The following FARP1 variants were observed in gnomAD, a reference collection of about 807,000 sequenced individuals.
FARP1 encodes FERM, ARHGEF and pleckstrin domain-containing protein 1.
A neutral mutation model predicts 128.8 loss-of-function variants in FARP1; 52 were observed. The ratio of observed to expected loss-of-function variants is 0.40; its 90% CI spans 0.32 to 0.51. FARP1 has a LOEUF of 0.51. Among genes scored for constraint, FARP1 ranks in the 20% least tolerant of loss-of-function variants. The pLI, the probability that FARP1 is intolerant of heterozygous loss-of-function variation, is 0.45. For missense variants in FARP1, 1,333 were observed against 1,367.9 expected (o/e 0.97, Z 0.40); for synonymous variants, 580 against 551.8 (o/e 1.05, Z -0.72).
intron 13 of FARP1, chr13:98,407,234 A>G (rs1005146789): frequency 3.3e-5 from 5 of 152,570 alleles, no homozygotes; most frequent in African/African-American, 1.2e-4. Context: ...ATAAAAAACA[A>G]CTCTCCAACA....
At chr13:98,270,932 T>C (rs1884360801) in intron 2 of FARP1, among the ~76,000 whole-genome samples, 1 of 152,212 alleles carries the variant, frequency 6.6e-6, no homozygotes, top group Non-Finnish European at 1.5e-5. Flanking sequence ...GATGCCACCC[T>C]CTGAGCCATC....
At chr13:98,335,027 A>G (rs1359448763) in intron 2 of FARP1, among the ~76,000 whole-genome samples, 2 of 152,140 alleles carry the variant, frequency 1.3e-5, no homozygotes, top group Non-Finnish European at 2.9e-5. Flanking sequence ...ATCCTTCAGG[A>G]CCCATTCAAG....
At chr13:98,360,172 T>C (rs1888812133) in intron 3 of FARP1, among the ~76,000 whole-genome samples, 1 of 144,736 alleles carries the variant, frequency 6.9e-6, no homozygotes, top group Non-Finnish European at 1.5e-5. Context: ...CTCAAATCAC[T>C]GCAAGCTCCG....
At chr13:98,215,572 T>C (rs1375022850) in intron 2 of FARP1, among the ~76,000 whole-genome samples, 1 of 152,234 alleles carries the variant, frequency 6.6e-6, no homozygotes, top group Non-Finnish European at 1.5e-5. Flanking sequence ...TTGGAGCAAT[T>C]CTTGACATGT....
chr13:98,361,896 A>G (rs942064002), intron 3 of FARP1, among the ~76,000 whole-genome samples: 10 of 151,976 alleles, frequency 6.6e-5, no homozygotes, highest in Admixed American at 5.9e-4. Context: ...GTCTCTTTGG[A>G]TATCGGTCAT....
At chr13:98,384,882 G>A (rs748752447) in intron 7 of FARP1, 38 bp downstream of exon 7, 15 of 1,282,388 alleles carry the variant, frequency 1.2e-5, no homozygotes, top group South Asian at 3.6e-5. Flanking sequence ...CCTCTGAGCC[G>A]GTTCTCTCTG....
chr13:98,369,389 A>G (rs1327787883), intron 5 of FARP1, among the ~76,000 whole-genome samples: 1 of 146,186 alleles, frequency 6.8e-6, no homozygotes, highest in Non-Finnish European at 1.5e-5. Flanking sequence ...TTATACTTTA[A>G]GTTTTAGGGT....
At chr13:98,362,532 T>G (rs115622898) in intron 3 of FARP1, among the ~76,000 whole-genome samples, 182 of 152,282 alleles carry the variant, frequency 1.2e-3, no homozygotes, top group African/African-American at 4.2e-3. Flanking sequence ...ACTTCACGCC[T>G]CCTCTGCTCC....
chr13:98,294,264 A>G (rs913963003), intron 2 of FARP1, among the ~76,000 whole-genome samples: 2 of 152,146 alleles, frequency 1.3e-5, no homozygotes, highest in Non-Finnish European at 2.9e-5. Context: ...GAAGAAACTC[A>G]TTTGCAAAGC....
chr13:98,428,821 C>T (rs183173352), intron 17 of FARP1, among the ~76,000 whole-genome samples: 65 of 152,212 alleles, frequency 4.3e-4, no homozygotes, highest in Non-Finnish European at 7.1e-4. Flanking sequence ...AAGGATGTGA[C>T]GACATGCCAG....
chr13:98,154,434 A>C (rs1478852500), intron 1 of FARP1, among the ~76,000 whole-genome samples: 2 of 152,216 alleles, frequency 1.3e-5, no homozygotes, highest in Non-Finnish European at 2.9e-5. Context: ...GGCTTACCTG[A>C]AGATGTGACT....
chr13:98,353,165 A>G (rs563858243), intron 3 of FARP1, among the ~76,000 whole-genome samples: 90 of 152,116 alleles, frequency 5.9e-4, no homozygotes, highest in Non-Finnish European at 8.2e-4. Flanking sequence ...TTAAGACTAA[A>G]CTCTGGCGTA....
chr13:98,195,931 T>A, intron 1 of FARP1, among the ~76,000 whole-genome samples: 1 of 151,962 alleles, frequency 6.6e-6, no homozygotes, highest in Non-Finnish European at 1.5e-5. Flanking sequence ...GAGGCTGAGG[T>A]GAGAGGATCA....
In FARP1 at chr13:98,176,704, C is replaced by G. The variant is rs764594031; in HGVS notation, c.-24+33212C>G. 6.2e-7 allele frequency: 1 copy of G among 1,614,198 alleles called. No homozygotes were observed. The highest frequency in any genetic ancestry group is 1.1e-5 in the South Asian group (1 of 91,084). ...AGTGGCGCGCAGATGCCCTGGCGCA[C>G]GTATGGGGCCCTTCCTCGCCATCCC... On this transcript the variant is annotated intron_variant, in intron 1 of 26. Coordinates refer to ENST00000319562, the MANE Select transcript of FARP1 (RefSeq NM_005766.4). This position sits in a 1 kb window ranked among gnomAD's most constrained non-coding sequence, Gnocchi z 6.2.
intron 5 of FARP1, among the ~76,000 whole-genome samples, chr13:98,372,560 C>T (rs1889396386): frequency 6.6e-6 from 1 of 152,178 alleles, no homozygotes; most frequent in South Asian, 2.1e-4. Flanking sequence ...GCTCTGCGCC[C>T]TGCACGCCCT....
intron 1 of FARP1, among the ~76,000 whole-genome samples, chr13:98,212,030 G>C (rs1880750948): frequency 7.0e-6 from 1 of 143,562 alleles, no homozygotes. Flanking sequence ...TAACACATGT[G>C]CTCTGCACCA....
At chr13:98,174,604 TG>T (rs1383264873) in intron 1 of FARP1, among the ~76,000 whole-genome samples, 3 of 152,204 alleles carry the variant, frequency 2.0e-5, no homozygotes, top group African/African-American at 7.2e-5. Flanking sequence ...TTGTTAGCTT[TG>T]GCAAGGACAA....
chr13:98,395,702 C>T (rs548952423), intron 13 of FARP1: 5 of 490,746 alleles, frequency 1.0e-5, no homozygotes, highest in South Asian at 5.1e-5. Flanking sequence ...AGGGCTTCCC[C>T]GCACTCTGCG....
chr13:98,440,947 C>CCTA, intron 24 of FARP1, 111 bp downstream of exon 24: 1 of 1,095,430 alleles, frequency 9.1e-7, no homozygotes, highest in Admixed American at 2.4e-5. Flanking sequence ...GGTGGCCCCA[C>CCTA]CTACCCGCGG....
Sources: gnomAD v4.1 joint callset for allele counts (sites outside exome capture counted in the v4.1 genomes callset) on GRCh38, gnomAD v4.1.1 for gene constraint, Gnocchi (gnomAD v3.1) non-coding constraint, MANE v1.5 for transcripts, NCBI Gene and HGNC (gene_info 2026-07-23, HGNC 2026-07-21) for gene names.